Variants in PTPRD observed in about 807,000 individuals in gnomAD.
The protein encoded by PTPRD is protein tyrosine phosphatase receptor type D, also known as receptor-type tyrosine-protein phosphatase delta.
A neutral mutation model predicts 214.5 loss-of-function variants in PTPRD; 34 were observed. The observed-to-expected ratio is 0.16, with a 90% CI of 0.12 to 0.21. The LOEUF is 0.21. PTPRD is among the 10% of genes least tolerant of loss of function. The probability of loss-of-function intolerance (pLI) is 1.00; values close to 1 mark genes in which losing one functional copy is unlikely to be tolerated. For missense variants in PTPRD, 2,545 were observed against 2,398.7 expected (o/e 1.06, Z -1.27); for synonymous variants, 1,128 against 845.7 (o/e 1.33, Z -5.79).
chr9:9,957,875 C>G (rs1038081664), intron 4 of PTPRD, among the ~76,000 whole-genome samples: 3 of 149,790 alleles, frequency 2.0e-5, no homozygotes, highest in Non-Finnish European at 4.4e-5. Flanking sequence ...CACTATAAGA[C>G]AGGGTGAGAA....
chr9:10,238,874 C>G (rs1376875074), intron 3 of PTPRD, among the ~76,000 whole-genome samples: 1 of 151,680 alleles, frequency 6.6e-6, no homozygotes, highest in Non-Finnish European at 1.5e-5. Context: ...GTACTACTTC[C>G]TAGGGGAGAT....
chr9:10,361,504 G>A (rs1464799456), intron 2 of PTPRD, among the ~76,000 whole-genome samples: 1 of 152,114 alleles, frequency 6.6e-6, no homozygotes, highest in Non-Finnish European at 1.5e-5. Context: ...GGAAAAAAAG[G>A]GGCTGAAAGG....
chr9:9,034,772 A>C (rs1228022728), intron 10 of PTPRD, among the ~76,000 whole-genome samples: 1 of 152,088 alleles, frequency 6.6e-6, no homozygotes, highest in Non-Finnish European at 1.5e-5. Context: ...GATAGAAATA[A>C]CACCTACCTC....
At chr9:9,147,775 CT>C (rs1350723100) in intron 10 of PTPRD, among the ~76,000 whole-genome samples, 1 of 152,136 alleles carries the variant, frequency 6.6e-6, no homozygotes, top group Non-Finnish European at 1.5e-5. Context: ...CCCTGCTTCC[CT>C]TCTACAGTAG....
At chr9:9,242,139 A>C (rs1028441355) in intron 9 of PTPRD, among the ~76,000 whole-genome samples, 3 of 152,098 alleles carry the variant, frequency 2.0e-5, no homozygotes, top group African/African-American at 7.2e-5. Flanking sequence ...TCTGGGTTGA[A>C]AATTCTTTCC....
rs76940295 is a variant in PTPRD, at chr9:9,135,820, A to G, written c.-143+47484T>C. On this transcript the variant is annotated intron_variant, in intron 10 of 45. Coordinates refer to ENST00000381196, the MANE Select transcript of PTPRD (RefSeq NM_002839.4). ...ATAGCAGCTACATTTGGTCACAACTAGAAATATTCAGCTTGAAAAAAACCC... is the reference window on the plus strand; with the variant it reads ...ATAGCAGCTACATTTGGTCACAACTGGAAATATTCAGCTTGAAAAAAACCC... 2.1e-3 allele frequency among the ~76,000 whole-genome samples: 314 copies of G among 151,912 alleles called. 3 individuals carry two copies. In the East Asian group the frequency reaches 0.031, roughly 15 times the overall value.
At chr9:10,399,578 C>T (rs2098235603) in intron 2 of PTPRD, among the ~76,000 whole-genome samples, 1 of 151,746 alleles carries the variant, frequency 6.6e-6, no homozygotes, top group Admixed American at 6.6e-5. Context: ...ATAAAAATAT[C>T]TAGTGATGGT....
chr9:9,598,813 G>C (rs1665877709), intron 7 of PTPRD, among the ~76,000 whole-genome samples: 1 of 151,862 alleles, frequency 6.6e-6, no homozygotes, highest in African/African-American at 2.4e-5. Context: ...TTTGTAAGAG[G>C]TGGACTTGAG....
intron 34 of PTPRD, among the ~76,000 whole-genome samples, chr9:8,447,016 T>C (rs1382015680): frequency 2.6e-5 from 4 of 152,210 alleles, no homozygotes; most frequent in African/African-American, 9.6e-5. Flanking sequence ...ATTTCCTTTG[T>C]AAAATGGTAA....
intron 6 of PTPRD, among the ~76,000 whole-genome samples, chr9:9,759,609 G>A (rs2098632866): frequency 7.3e-6 from 1 of 136,936 alleles, no homozygotes; most frequent in Non-Finnish European, 1.5e-5. Flanking sequence ...CCAGGCTGAA[G>A]TGTAGTGACG....
intron 9 of PTPRD, among the ~76,000 whole-genome samples, chr9:9,277,694 A>C (rs1191452440): frequency 6.6e-6 from 1 of 151,358 alleles, no homozygotes. Context: ...CCCCTGGTCC[A>C]GATGGATTTG....
At chr9:10,171,625 C>T (rs943969554) in intron 3 of PTPRD, among the ~76,000 whole-genome samples, 1 of 152,100 alleles carries the variant, frequency 6.6e-6, no homozygotes, top group Non-Finnish European at 1.5e-5. Flanking sequence ...CCCGGGTTCA[C>T]GCCATTCTCC....
intron 10 of PTPRD, among the ~76,000 whole-genome samples, chr9:9,131,469 C>T (rs1350141890): frequency 6.6e-6 from 1 of 152,044 alleles, no homozygotes; most frequent in Non-Finnish European, 1.5e-5. Flanking sequence ...TCCCATGGAA[C>T]AGATTGTAGC....
At chr9:10,535,476 G>C (rs555438105) in intron 2 of PTPRD, among the ~76,000 whole-genome samples, 58 of 151,960 alleles carry the variant, frequency 3.8e-4, no homozygotes, top group Non-Finnish European at 6.3e-4. Flanking sequence ...TGAGCTTACT[G>C]TATGCCAACA....
chr9:9,572,824 T>G (rs2154302280), intron 8 of PTPRD, among the ~76,000 whole-genome samples: 1 of 151,494 alleles, frequency 6.6e-6, no homozygotes, highest in East Asian at 1.9e-4. Context: ...AGCATTAATA[T>G]TCAATATATT....
chr9:8,592,237 C>T (rs534236078), intron 14 of PTPRD, among the ~76,000 whole-genome samples: 91 of 152,248 alleles, frequency 6.0e-4, no homozygotes, highest in African/African-American at 2.1e-3. Flanking sequence ...TTTCACTCTT[C>T]AAACAACTAC....
chr9:8,465,765 G>A lies in PTPRD; in HGVS notation c.3505-90C>T, dbSNP rs1207153946. On this transcript the variant is annotated intron_variant, in intron 31 of 45. Coordinates refer to ENST00000381196, the MANE Select transcript of PTPRD (RefSeq NM_002839.4). The stretch of plus-strand genomic sequence containing the variant: ...AATGAGATAAATTAATTCAGAACTG[G>A]GAACAACCCAAATGCAATTTGTTCA... 2.3e-5 allele frequency: 25 copies of A among 1,108,816 alleles called. No homozygotes were observed. The South Asian group carries it at 3.3e-4, about 15-fold the overall frequency. The allele number at this position is 1,108,816 out of a possible 1,614,324, so 68.7% of individuals were successfully genotyped here. A position where few individuals can be genotyped will look rare whatever the true frequency, so the allele number is the denominator to read the frequency against.
At chr9:9,830,277 T>C (rs1293666265) in intron 5 of PTPRD, among the ~76,000 whole-genome samples, 2 of 151,894 alleles carry the variant, frequency 1.3e-5, no homozygotes, top group Admixed American at 6.6e-5. Context: ...TTTTCACTTA[T>C]AAATTTATCT....
intron 14 of PTPRD, among the ~76,000 whole-genome samples, chr9:8,551,905 T>C (rs903056237): frequency 5.3e-5 from 8 of 152,342 alleles, no homozygotes; most frequent in Non-Finnish European, 1.2e-4. Flanking sequence ...AATTAAAGAA[T>C]GGACCATGTG....
Sources: allele counts gnomAD v4.1 joint callset (sites outside exome capture counted in the v4.1 genomes callset), GRCh38; gene constraint gnomAD v4.1.1; transcripts MANE v1.5; gene names NCBI Gene and HGNC (gene_info 2026-07-23, HGNC 2026-07-21).